Variants in LIMS4 observed in about 807,000 individuals in gnomAD.
LIMS4 encodes LIM zinc finger domain containing 4.
At chr2:110,372,634 T>C in the LIMS4 span, among the ~76,000 whole-genome samples, 1 of 149,040 alleles carries the variant, frequency 6.7e-6, no homozygotes, top group African/African-American at 2.6e-5. Context: ...GCCTCCCAAG[T>C]AGCTGGAATT....
the LIMS4 span, among the ~76,000 whole-genome samples, chr2:110,368,919 G>A: frequency 7.9e-6 from 1 of 127,144 alleles, no homozygotes; most frequent in Non-Finnish European, 1.6e-5. Context: ...TAACAGATTC[G>A]TGTAGGAAAT....
chr2:110,365,378 G>A, the LIMS4 span, among the ~76,000 whole-genome samples: 2 of 147,788 alleles, frequency 1.4e-5, no homozygotes, highest in Admixed American at 1.3e-4. Context: ...CAAATACTAA[G>A]AAGATTGCTC....
the LIMS4 span, among the ~76,000 whole-genome samples, chr2:110,367,149 T>C: frequency 6.6e-6 from 1 of 150,668 alleles, no homozygotes; most frequent in South Asian, 2.1e-4. Context: ...CCACATACTA[T>C]CAAAAGCAAT....
At chr2:110,425,009 C>A in the LIMS4 span, among the ~76,000 whole-genome samples, 6 of 143,798 alleles carry the variant, frequency 4.2e-5, no homozygotes, top group African/African-American at 1.4e-4. Context: ...GGGTCCCGGT[C>A]AGCTTTGCGG....
At chr2:110,361,182 G>A in the LIMS4 span, 1 of 838,870 alleles carries the variant, frequency 1.2e-6, no homozygotes, top group South Asian at 1.4e-5. Flanking sequence ...TGCGTCAGCT[G>A]GACATGCTTC....
chr2:110,424,585 T>C, the LIMS4 span, among the ~76,000 whole-genome samples: 21 of 145,022 alleles, frequency 1.4e-4, no homozygotes, highest in African/African-American at 5.8e-4. Context: ...CTGGAGGGAC[T>C]GTGACAATCC....
the LIMS4 span, among the ~76,000 whole-genome samples, chr2:110,390,136 G>A: frequency 4.7e-5 from 6 of 127,548 alleles, no homozygotes; most frequent in East Asian, 2.6e-4. Context: ...GAAAGCCTCC[G>A]TTGCCCCAGC....
the LIMS4 span, among the ~76,000 whole-genome samples, chr2:110,425,262 A>C: frequency 1.4e-5 from 2 of 143,448 alleles, no homozygotes; most frequent in Non-Finnish European, 3.0e-5. Context: ...TGGCAAACCT[A>C]TAGTGGGCTA....
At chr2:110,396,058 A>G in the LIMS4 span, among the ~76,000 whole-genome samples, 31 of 133,860 alleles carry the variant, frequency 2.3e-4, no homozygotes, top group African/African-American at 8.6e-4. Context: ...GCTAGAGAGC[A>G]CAGGTAAGGC....
At chr2:110,391,114 G>C in the LIMS4 span, among the ~76,000 whole-genome samples, 1 of 150,428 alleles carries the variant, frequency 6.6e-6, no homozygotes, top group Non-Finnish European at 1.5e-5. Flanking sequence ...GCTTAGAAAG[G>C]GGGACAGCGT....
At chr2:110,390,283 A>G in the LIMS4 span, among the ~76,000 whole-genome samples, 3 of 142,706 alleles carry the variant, frequency 2.1e-5, no homozygotes, top group Admixed American at 1.4e-4. Context: ...CGCATCCTGG[A>G]CAAGGGCAAA....
chr2:110,411,365 G>A, the LIMS4 span, among the ~76,000 whole-genome samples: 1 of 141,202 alleles, frequency 7.1e-6, no homozygotes, highest in Admixed American at 7.3e-5. Context: ...ATCAGCAAGA[G>A]TTGATTTTTT....
chr2:110,373,622 G>T, the LIMS4 span, among the ~76,000 whole-genome samples: 1 of 151,434 alleles, frequency 6.6e-6, no homozygotes, highest in African/African-American at 2.5e-5. Flanking sequence ...GGAAACTGAG[G>T]CCCAGAGAAG....
the LIMS4 span, chr2:110,397,327 T>C: frequency 6.9e-6 from 1 of 145,266 alleles, no homozygotes; most frequent in Admixed American, 6.8e-5. Flanking sequence ...ACTATTATGA[T>C]AGATAATAGA....
chr2:110,366,701 G>A, the LIMS4 span, among the ~76,000 whole-genome samples: 1 of 152,176 alleles, frequency 6.6e-6, no homozygotes, highest in East Asian at 1.9e-4. Flanking sequence ...GGACAATCAG[G>A]CAAGAGAAAG....
the LIMS4 span, chr2:110,376,250 G>T: frequency 7.3e-6 from 1 of 137,666 alleles, no homozygotes; most frequent in Non-Finnish European, 1.5e-5. Context: ...AGAGAAGCTC[G>T]GAACTTTCAA....
chr2:110,361,988 C>T, the LIMS4 span: 24 of 1,142,420 alleles, frequency 2.1e-5, 1 homozygote, highest in Admixed American at 3.4e-4. Context: ...ACCAACTCTC[C>T]TTGTGTAGTG....
the LIMS4 span, among the ~76,000 whole-genome samples, chr2:110,365,958 C>G: frequency 5.7e-4 from 86 of 151,046 alleles, 3 homozygotes; most frequent in African/African-American, 2.1e-3. Context: ...ACACAACTCC[C>G]CAAAATTGAA....
chr2:110,372,514 T>C, the LIMS4 span, among the ~76,000 whole-genome samples: 1 of 144,514 alleles, frequency 6.9e-6, no homozygotes, highest in Non-Finnish European at 1.5e-5. Context: ...TTTTTATTTT[T>C]TTTATTTTGA....
Sources: gnomAD v4.1 joint callset for allele counts (sites outside exome capture counted in the v4.1 genomes callset) on GRCh38, gnomAD v4.1.1 for gene constraint, MANE v1.5 for transcripts, NCBI Gene and HGNC (gene_info 2026-07-23, HGNC 2026-07-21) for gene names.